IGF2BP3: variants seen among roughly 807,000 people sequenced by gnomAD.
IGF2BP3 encodes insulin like growth factor 2 mRNA binding protein 3.
IGF2BP3 carries 9 observed loss-of-function variants against 73.8 expected under a neutral mutation model. The ratio of observed to expected loss-of-function variants is 0.12; its 90% CI spans 0.07 to 0.21. IGF2BP3 has a LOEUF of 0.21. Ranked by LOEUF, IGF2BP3 falls within the 10% of genes least tolerant of loss-of-function variation. The probability of loss-of-function intolerance (pLI) is 1.00; values close to 1 mark genes in which losing one functional copy is unlikely to be tolerated. For synonymous variants in IGF2BP3, 258 were observed against 256.7 expected (o/e 1.01, Z -0.05); for missense variants, 542 against 714.0 (o/e 0.76, Z 2.75).
At chr7:23,336,957 A>C (rs1784589399) in intron 10 of IGF2BP3, among the ~76,000 whole-genome samples, 1 of 152,280 alleles carries the variant, frequency 6.6e-6, no homozygotes, top group Non-Finnish European at 1.5e-5. Flanking sequence ...CCAAAAGAAA[A>C]AAAAAAAAGA....
Position 23,330,856 on chromosome 7 carries a change from A to G in IGF2BP3, c.1203+11208T>C, listed in dbSNP as rs190315733. ...GCCCAGGCTGGAGTGCAGTGGCACAATCTCGGCTCACTGCAACTGCAACCT... is the reference window on the plus strand; with the variant it reads ...GCCCAGGCTGGAGTGCAGTGGCACAGTCTCGGCTCACTGCAACTGCAACCT... On this transcript the variant is annotated intron_variant, in intron 10 of 14. Coordinates refer to ENST00000258729, the MANE Select transcript of IGF2BP3 (RefSeq NM_006547.3). Among the ~76,000 whole-genome samples the G allele has an allele frequency of 1.3e-3, 194 of 152,310 alleles. 1 individual carries two copies. Among genetic ancestry groups the G allele is most frequent in the African/African-American group, 4.5e-3 (189 of 41,584 alleles).
At chr7:23,352,947 T>C (rs928476706) in intron 5 of IGF2BP3, among the ~76,000 whole-genome samples, 2 of 152,210 alleles carry the variant, frequency 1.3e-5, no homozygotes, top group Non-Finnish European at 1.5e-5. Flanking sequence ...TTGTTTTGTA[T>C]TCATTTTGTG....
Position 23,437,560 on chromosome 7 carries a change from T to G in IGF2BP3, c.237-18736A>C, listed in dbSNP as rs118138222. On this transcript the variant is annotated intron_variant, in intron 2 of 14. Coordinates refer to ENST00000258729, the MANE Select transcript of IGF2BP3 (RefSeq NM_006547.3). ...CTGTCCACTTAAATGAAATCCTTTG[T>G]TACATTAAGACAATTCTGCACAATT... Among the ~76,000 whole-genome samples, 25 of 152,226 alleles carry G rather than the reference T, an allele frequency of 1.6e-4. 1 individual carries two copies. In the East Asian group the frequency reaches 4.8e-3, roughly 29 times the overall value.
chr7:23,319,331 G>C, intron 10 of IGF2BP3, 77 bp from the exon 11 acceptor site: 1 of 902,706 alleles, frequency 1.1e-6, no homozygotes, highest in South Asian at 1.5e-5. Context: ...CTTTAGGAAG[G>C]ACACCTTCTC....
intron 2 of IGF2BP3, among the ~76,000 whole-genome samples, chr7:23,423,861 T>C (rs1409766247): frequency 6.6e-6 from 1 of 152,164 alleles, no homozygotes; most frequent in East Asian, 1.9e-4. Context: ...GGCTTAAGCC[T>C]GTAATCCCAG....
At position 23,364,548 on chromosome 7, in the gene IGF2BP3, A is replaced by T. The variant is rs1368724204; in HGVS notation, c.286-2807T>A. 4.4e-4 allele frequency among the ~76,000 whole-genome samples: 18 copies of T among 41,198 alleles called. No individual in the cohort carries two copies. In the African/African-American group the frequency reaches 5.4e-3, roughly 12 times the overall value. 27.0% of individuals were successfully genotyped at this position (41,198 alleles called of 152,430 possible). A position where few individuals can be genotyped will look rare whatever the true frequency, so the allele number is the denominator to read the frequency against. ...GGGAAACAGAGCGAGACTTTGTGTC[A>T]AAAAAAAAAAAAAAAAAAAAAAAGC... On this transcript the variant is annotated intron_variant, in intron 3 of 14. Transcript: ENST00000258729.
chr7:23,451,629 A>G (rs551384380), intron 2 of IGF2BP3, among the ~76,000 whole-genome samples: 4 of 152,080 alleles, frequency 2.6e-5, no homozygotes, highest in Non-Finnish European at 5.9e-5. Context: ...ATCATTCCTT[A>G]TAACTGCTAC....
chr7:23,313,180 C>CT (rs1049675814), intron 13 of IGF2BP3, among the ~76,000 whole-genome samples: 1 of 152,152 alleles, frequency 6.6e-6, no homozygotes, highest in African/African-American at 2.4e-5. Context: ...AAACAGTTTG[C>CT]TTTTTTTCCA....
chr7:23,435,596 C>T (rs892573598), intron 2 of IGF2BP3, among the ~76,000 whole-genome samples: 1 of 151,850 alleles, frequency 6.6e-6, no homozygotes, highest in African/African-American at 2.4e-5. Context: ...GCTGGGATTA[C>T]AGGCGCCCAC....
chr7:23,456,105 CA>C (rs957511450), intron 2 of IGF2BP3, among the ~76,000 whole-genome samples: 2 of 151,438 alleles, frequency 1.3e-5, no homozygotes, highest in African/African-American at 2.4e-5. Context: ...TTCAGAAACT[CA>C]AAAAAATGCA....
At chr7:23,457,971 A>T (rs1268183434) in intron 2 of IGF2BP3, among the ~76,000 whole-genome samples, 1 of 152,220 alleles carries the variant, frequency 6.6e-6, no homozygotes. Flanking sequence ...ACTTGAGTCC[A>T]CATCCCAAAA....
At chr7:23,380,355 G>C (rs371967842) in intron 3 of IGF2BP3, among the ~76,000 whole-genome samples, 1 of 151,886 alleles carries the variant, frequency 6.6e-6, no homozygotes, top group African/African-American at 2.4e-5. Flanking sequence ...AGTAGAGACG[G>C]GGTTTCACTG....
intron 2 of IGF2BP3, among the ~76,000 whole-genome samples, chr7:23,421,003 ATTTTCT>A (rs1173129339): frequency 6.6e-6 from 1 of 152,000 alleles, no homozygotes; most frequent in Non-Finnish European, 1.5e-5. Context: ...TAAGTTTTAT[ATTTTCT>A]TTTTCTTTTG....
intron 5 of IGF2BP3, among the ~76,000 whole-genome samples, chr7:23,358,304 AAAC>A (rs1470194246): frequency 1.3e-5 from 2 of 152,354 alleles, no homozygotes; most frequent in East Asian, 1.9e-4. Flanking sequence ...ATAGCCTTCC[AAAC>A]AACAGATGTT....
intron 12 of IGF2BP3, among the ~76,000 whole-genome samples, chr7:23,315,694 T>C (rs866907937): frequency 2.0e-5 from 3 of 152,144 alleles, no homozygotes; most frequent in South Asian, 2.1e-4. Flanking sequence ...GACGTAGATA[T>C]TACTATTACT....
chr7:23,401,293 C>G (rs1242099542), intron 3 of IGF2BP3, among the ~76,000 whole-genome samples: 1 of 152,138 alleles, frequency 6.6e-6, no homozygotes, highest in Non-Finnish European at 1.5e-5. Context: ...TGCGGGCCCC[C>G]TGCTGAGGGG....
intron 2 of IGF2BP3, among the ~76,000 whole-genome samples, chr7:23,428,598 T>C (rs577521416): frequency 2.6e-5 from 4 of 150,944 alleles, no homozygotes; most frequent in Non-Finnish European, 4.4e-5. Context: ...TCCCAGCTAC[T>C]TGGGAGGCTG....
intron 10 of IGF2BP3, among the ~76,000 whole-genome samples, chr7:23,328,590 T>A (rs1784363679): frequency 6.6e-6 from 1 of 152,200 alleles, no homozygotes. Context: ...TTTGCCTATT[T>A]TCCAATAAAA....
intron 2 of IGF2BP3, among the ~76,000 whole-genome samples, chr7:23,452,048 AGGCTGGAGCACAGT>A (rs1003034219): frequency 4.6e-5 from 7 of 150,618 alleles, no homozygotes; most frequent in Non-Finnish European, 8.8e-5. Flanking sequence ...GCTGTCACCA[AGGCTGGAGCACAGT>A]GGCGTGATAT....
Sources: gnomAD v4.1 joint callset for allele counts (sites outside exome capture counted in the v4.1 genomes callset) on GRCh38, gnomAD v4.1.1 for gene constraint, MANE v1.5 for transcripts, NCBI Gene and HGNC (gene_info 2026-07-23, HGNC 2026-07-21) for gene names.